Variants in PWWP2B observed in about 807,000 individuals in gnomAD.
PWWP2B encodes PWWP domain containing 2B.
PWWP2B carries 9 observed loss-of-function variants against 15.5 expected under a neutral mutation model. That is an observed-to-expected ratio of 0.58 (90% confidence interval 0.35 to 1.02). The LOEUF is 1.02. Among genes scored for constraint, PWWP2B ranks in the 50% least tolerant of loss-of-function variants. The pLI, the probability that PWWP2B is intolerant of heterozygous loss-of-function variation, is 0.02. For missense variants in PWWP2B, 864 were observed against 865.3 expected, an observed-to-expected ratio of 1.00 and a Z score of 0.02; for synonymous variants, 474 against 403.6, an observed-to-expected ratio of 1.17 and a Z score of -2.09.
At chr10:132,407,902 C>T (rs1002370955) in intron 2 of PWWP2B, among the ~76,000 whole-genome samples, 7 of 152,192 alleles carry the variant, frequency 4.6e-5, no homozygotes, top group Admixed American at 1.3e-4. Flanking sequence ...GGGCCCTCCC[C>T]GAGTTCTGGA....
chr10:132,405,766 G>C lies in PWWP2B; in HGVS notation c.1266G>C (p.Ala422=), dbSNP rs761975821. ...EGRADCASES[A]CSSDSLDEAR... is the part of the protein sequence containing the mutation. ...GAGCGGACTGTGCCAGTGAGTCGGC[G>C]TGCAGCAGCGACAGCCTGGACGAGG... Residue 422 remains alanine, a synonymous_variant, in exon 2 of 3, where the codon GCG becomes GCC. Coordinates refer to ENST00000305233, the MANE Select transcript of PWWP2B (RefSeq NM_138499.4). 1.9e-6 allele frequency: 3 copies of C among 1,607,222 alleles called. No homozygotes were observed. Among genetic ancestry groups the C allele is most frequent in the Non-Finnish European group, 2.5e-6 (3 of 1,179,778 alleles).
intron 2 of PWWP2B, among the ~76,000 whole-genome samples, chr10:132,409,808 G>A (rs1387110422): frequency 6.6e-6 from 1 of 152,204 alleles, no homozygotes; most frequent in Non-Finnish European, 1.5e-5. Flanking sequence ...AGAGCATCCA[G>A]CGAGAAACCT....
At position 132,417,184 on chromosome 10, in the gene PWWP2B, C is replaced by T; in HGVS notation, c.*140C>T. Reference sequence around the variant, plus strand: ...GCACGGTGGTCGGCCTGGTGTGAGGCCCCCCGGGGACCGGCAGTGTGTCCA... The same window carrying T: ...GCACGGTGGTCGGCCTGGTGTGAGGTCCCCCGGGGACCGGCAGTGTGTCCA... On this transcript the variant is annotated 3_prime_UTR_variant, in exon 3 of 3. Coordinates refer to ENST00000305233, the MANE Select transcript of PWWP2B (RefSeq NM_138499.4). The T allele has an allele frequency of 3.9e-6, 5 of 1,281,748 alleles. No homozygotes were observed. Among genetic ancestry groups the T allele is most frequent in the South Asian group, 1.2e-5 (1 of 83,554 alleles). The allele number at this position is 1,281,748 out of a possible 1,614,324, so 79.4% of individuals were successfully genotyped here.
intron 2 of PWWP2B, among the ~76,000 whole-genome samples, chr10:132,413,819 AG>A (rs2133165161): frequency 6.6e-6 from 1 of 152,258 alleles, no homozygotes; most frequent in East Asian, 1.9e-4. Flanking sequence ...AGCTGTGGGG[AG>A]GGTGTGAGCC....
At position 132,405,138 on chromosome 10, in the gene PWWP2B, G is replaced by A. The variant is rs746690563; in HGVS notation, c.638G>A (p.Arg213His). 8.9e-5 allele frequency: 138 copies of A among 1,544,132 alleles called. No individual in the cohort carries two copies. The Middle Eastern group carries it at 2.4e-3, about 27-fold the overall frequency. The change falls in exon 2 of 3, where the codon CGC (arginine) becomes CAC (histidine). Residue 213 changes from arginine to histidine, a missense_variant. Coordinates refer to ENST00000305233, the MANE Select transcript of PWWP2B (RefSeq NM_138499.4). ...RLGSGPDREL[R>H]KPEEPENGEP... is the part of the protein sequence containing the mutation. ...GGCAGCGGCCCGGACAGGGAGCTCC[G>A]CAAGCCGGAGGAGCCGGAGAACGGC... is the stretch of plus-strand genomic sequence containing the variant.
At position 132,405,645 on chromosome 10, in the gene PWWP2B, C is replaced by T. The variant is rs1348246691; in HGVS notation, c.1145C>T (p.Ser382Phe). 6.2e-7 allele frequency: 1 copy of T among 1,612,446 alleles called. No homozygotes were observed. The highest frequency in any genetic ancestry group is 1.1e-5 in the South Asian group (1 of 91,086). Reference sequence around the variant, plus strand: ...GCCGGTGGGCTGGCGGACTTGTCTTCTGGAAGTTCGGGTGAGGACGATGAC... The same window carrying T: ...GCCGGTGGGCTGGCGGACTTGTCTTTTGGAAGTTCGGGTGAGGACGATGAC... ...GPAGGLADLS[S>F]GSSGEDDDFK... Residue 382 changes from serine (S) to phenylalanine (F), a missense_variant, in exon 2 of 3, where the codon TCT becomes TTT. This residue lies in a region of PWWP2B where 736 missense variants were observed against 687.7 expected (regional missense o/e 1.07). Transcript: ENST00000305233.
chr10:132,411,364 G>A (rs937501394), intron 2 of PWWP2B, among the ~76,000 whole-genome samples: 34 of 152,246 alleles, frequency 2.2e-4, no homozygotes, highest in African/African-American at 7.0e-4. Flanking sequence ...ACGCAAACAC[G>A]ATGTGGCAGA....
intron 1 of PWWP2B, among the ~76,000 whole-genome samples, chr10:132,400,655 G>C (rs114073245): frequency 6.6e-6 from 1 of 152,248 alleles, no homozygotes; most frequent in African/African-American, 2.4e-5. Context: ...CCCGCATGCT[G>C]TCCTGCTGTG....
chr10:132,408,560 G>A (rs1318843759), intron 2 of PWWP2B, among the ~76,000 whole-genome samples: 5 of 152,282 alleles, frequency 3.3e-5, no homozygotes, highest in Non-Finnish European at 5.9e-5. Context: ...GGGGAAGGTC[G>A]TCCTCCCAGC....
Position 132,404,629 on chromosome 10 carries a change from C to G in PWWP2B, c.129C>G (p.Ser43=), listed in dbSNP as rs779627046. The part of the protein sequence containing the change: ...AGILLDCTKK[S]GLFGLPPLAP... ...GTTTCTCTCTCTCCATTGCCAGGTC[C>G]GGCCTCTTTGGCCTACCCCCGTTGG... The change falls in exon 2 of 3, where the codon TCC becomes TCG. Residue 43 remains serine (S), a synonymous_variant. Transcript: ENST00000305233. 6.2e-7 allele frequency: 1 copy of G among 1,612,566 alleles called. No homozygotes were observed. Among genetic ancestry groups the G allele is most frequent in the Non-Finnish European group, 8.5e-7 (1 of 1,179,550 alleles).
intron 2 of PWWP2B, among the ~76,000 whole-genome samples, chr10:132,414,368 T>TG (rs2069817590): frequency 6.6e-6 from 1 of 152,204 alleles, no homozygotes; most frequent in Non-Finnish European, 1.5e-5. Flanking sequence ...GAAGTGTGGT[T>TG]GCCTTTGATT....
At chr10:132,409,867 C>T (rs1227913828) in intron 2 of PWWP2B, among the ~76,000 whole-genome samples, 10 of 151,992 alleles carry the variant, frequency 6.6e-5, no homozygotes, top group Non-Finnish European at 1.5e-4. Flanking sequence ...TGGCAGGAGC[C>T]AGGATCTGAA....
At chr10:132,402,618 G>A (rs969510182) in intron 1 of PWWP2B, among the ~76,000 whole-genome samples, 3 of 152,234 alleles carry the variant, frequency 2.0e-5, no homozygotes, top group African/African-American at 4.8e-5. Context: ...CTCACAAGGT[G>A]CTCATGGAAG....
At chr10:132,407,728 T>A (rs769332732) in intron 2 of PWWP2B, among the ~76,000 whole-genome samples, 4 of 152,148 alleles carry the variant, frequency 2.6e-5, no homozygotes, top group Non-Finnish European at 5.9e-5. Flanking sequence ...CAGGCCCTTT[T>A]CTGATCAGTT....
Position 132,404,973 on chromosome 10 carries a change from A to G in PWWP2B, c.473A>G (p.Asn158Ser). 1.3e-6 allele frequency: 2 copies of G among 1,581,590 alleles called. No homozygotes were observed. The highest frequency in any genetic ancestry group is 1.1e-5 in the South Asian group (1 of 89,380). The change falls in exon 2 of 3, where the codon AAC becomes AGC. Residue 158 changes from asparagine to serine, a missense_variant. Coordinates refer to ENST00000305233, the MANE Select transcript of PWWP2B (RefSeq NM_138499.4). ...CGCACGCGGCGGCGTCTGTCCCGCA[A>G]CCGCGACCCGGGGCGCCTCATCCTC... ...IKRTRRRLSR[N>S]RDPGRLILST...
In PWWP2B at chr10:132,417,113, G is replaced by A. The variant is rs1169409850; in HGVS notation, c.*69G>A. 4.6e-5 allele frequency: 75 copies of A among 1,613,040 alleles called. No homozygotes were observed. Among genetic ancestry groups the A allele is most frequent in the East Asian group, 1.1e-4 (5 of 44,882 alleles). ...GTCCTGGAGCTTCCGATCTCTGTTCGGGGACCCTGTGAGCCTTCTGGCCGG... is the reference window on the plus strand; with the variant it reads ...GTCCTGGAGCTTCCGATCTCTGTTCAGGGACCCTGTGAGCCTTCTGGCCGG... On this transcript the variant is annotated 3_prime_UTR_variant, in exon 3 of 3. Coordinates refer to ENST00000305233, the MANE Select transcript of PWWP2B (RefSeq NM_138499.4).
rs146323394 is a variant in PWWP2B at position 132,417,302 on chromosome 10, C to T, written c.*258C>T. On this transcript the variant is annotated 3_prime_UTR_variant, in exon 3 of 3. Transcript: ENST00000305233. ...TGGCTGCCCTGGCTCACGAGGCAGT[C>T]GGGACTCGTGACTTGCTGGCTGCTG... The T allele has an allele frequency of 3.6e-6, 2 of 554,920 alleles. No individual in the cohort carries two copies. The highest frequency in any genetic ancestry group is 6.6e-5 in the Admixed American group (2 of 30,294). 34.4% of individuals were successfully genotyped at this position (554,920 alleles called of 1,614,324 possible).
chr10:132,398,315 C>A (rs1391724417), intron 1 of PWWP2B, among the ~76,000 whole-genome samples: 1 of 152,226 alleles, frequency 6.6e-6, no homozygotes, highest in African/African-American at 2.4e-5. Flanking sequence ...ATCCACAAGT[C>A]ACGTGATTTA....
At position 132,416,889 on chromosome 10, in the gene PWWP2B, C is replaced by T. The variant is rs992342569; in HGVS notation, c.*17-172C>T. Among the ~76,000 whole-genome samples the T allele has an allele frequency of 4.6e-5, 7 of 152,112 alleles. No individual in the cohort carries two copies. In the South Asian group the frequency reaches 6.2e-4, roughly 14 times the overall value. ...ACCCTGCACTCTCTCCCAGCACAGCCGGGCTGTGGGCCCTGAGGGAAGGAG... is the reference window on the plus strand; with the variant it reads ...ACCCTGCACTCTCTCCCAGCACAGCTGGGCTGTGGGCCCTGAGGGAAGGAG... On this transcript the variant is annotated intron_variant, in intron 2 of 2. Transcript: ENST00000305233.
Sources: gnomAD v4.1 joint callset for allele counts (sites outside exome capture counted in the v4.1 genomes callset) on GRCh38, gnomAD v4.1.1 for gene constraint, gnomAD v4.1.1 regional missense constraint, MANE v1.5 for transcripts, NCBI Gene and HGNC (gene_info 2026-07-23, HGNC 2026-07-21) for gene names.